Variants in TENM4 observed in about 807,000 individuals in gnomAD.
TENM4 encodes teneurin transmembrane protein 4.
Under a neutral mutation model 243.3 loss-of-function variants are expected in TENM4, and 82 were observed. That is an observed-to-expected ratio of 0.34 (90% CI 0.28 to 0.40). TENM4 has a LOEUF of 0.40. Among genes scored for constraint, TENM4 ranks in the 10% least tolerant of loss-of-function variants. TENM4 has a pLI of 1.00. For synonymous variants in TENM4, 1,412 were observed against 1,456.3 expected (o/e 0.97, Z 0.69); for missense variants, 3,138 against 3,673.3 (o/e 0.85, Z 3.77).
chr11:78,869,749 C>T (rs559237452), intron 9 of TENM4, among the ~76,000 whole-genome samples: 1 of 152,254 alleles, frequency 6.6e-6, no homozygotes, highest in Non-Finnish European at 1.5e-5. Context: ...GTTCCAAAGC[C>T]CAGGTTCCCC....
rs779839717 is a variant in TENM4 at position 79,238,483 on chromosome 11, A to C, written c.-264-22574T>G. On this transcript the variant is annotated intron_variant, in intron 2 of 33. Coordinates refer to ENST00000278550, the MANE Select transcript of TENM4 (RefSeq NM_001098816.3). ...CCATCTCCTCCTGCCTTTGGACATG[A>C]GAACTCCTGGTTCTCGAGCCTTTTG... Among the ~76,000 whole-genome samples, 14 of 152,250 alleles carry C rather than the reference A, an allele frequency of 9.2e-5. No individual in the cohort carries two copies. The South Asian group carries it at 1.9e-3, about 20-fold the overall frequency.
Position 78,657,248 on chromosome 11 carries a change from C to T in TENM4, c.*810G>A, listed in dbSNP as rs1449946242. 2.0e-5 allele frequency: 8 copies of T among 398,596 alleles called. No individual in the cohort carries two copies. Among genetic ancestry groups the T allele is most frequent in the Admixed American group, 4.4e-5 (1 of 22,730 alleles). 24.7% of individuals were successfully genotyped at this position (398,596 alleles called of 1,614,324 possible). A position where few individuals can be genotyped will look rare whatever the true frequency, so the allele number is the denominator to read the frequency against. On this transcript the variant is annotated 3_prime_UTR_variant, in exon 34 of 34. Coordinates refer to ENST00000278550, the MANE Select transcript of TENM4 (RefSeq NM_001098816.3). ...CAGGCATCCTGGGTGCTTTCCCTCC[C>T]GGGAGGATGGGACTCTGAGCCCAGG...
chr11:78,806,858 C>T (rs747914613), intron 14 of TENM4, among the ~76,000 whole-genome samples: 4 of 152,178 alleles, frequency 2.6e-5, no homozygotes, highest in Non-Finnish European at 5.9e-5. Context: ...TCCTATTTCC[C>T]CTTTCCCTCA....
intron 1 of TENM4, among the ~76,000 whole-genome samples, chr11:79,340,147 A>G (rs189929619): frequency 3.9e-5 from 6 of 152,380 alleles, no homozygotes; most frequent in Admixed American, 2.6e-4. Context: ...TTCATGTCCT[A>G]TTACAAGAAA....
In TENM4 at chr11:79,064,691, C is replaced by T. The variant is rs35294698; in HGVS notation, c.493+47G>A. 3.3e-3 allele frequency: 5,101 copies of T among 1,547,984 alleles called. 23 individuals are homozygous for T. The highest frequency in any genetic ancestry group is 4.0e-3 in the Non-Finnish European group (4,608 of 1,144,856). On this transcript the variant is annotated intron_variant, in intron 6 of 33. Coordinates refer to ENST00000278550, the MANE Select transcript of TENM4 (RefSeq NM_001098816.3). ...GAAATCAATATTATAAATAAAACCC[C>T]AGCCCCACCACCCAGGCACCCGGCA...
intron 1 of TENM4, among the ~76,000 whole-genome samples, chr11:79,417,617 A>G (rs920975102): frequency 6.6e-6 from 1 of 152,188 alleles, no homozygotes; most frequent in African/African-American, 2.4e-5. Context: ...TCCTTTGAAG[A>G]ACACTATGTA....
intron 6 of TENM4, among the ~76,000 whole-genome samples, chr11:78,993,680 ATAC>A (rs10585426): frequency 0.045 from 6,913 of 152,248 alleles, 304 homozygotes; most frequent in African/African-American, 0.11. Context: ...TTTATTTCAG[ATAC>A]TACATTTTTC....
chr11:79,216,738 C>T (rs1426111536), intron 2 of TENM4, among the ~76,000 whole-genome samples: 1 of 152,198 alleles, frequency 6.6e-6, no homozygotes, highest in Non-Finnish European at 1.5e-5. Context: ...GAGGCCTTTA[C>T]CAGATGCCAG....
At chr11:78,779,157 TGA>T (rs1034045272) in intron 16 of TENM4, among the ~76,000 whole-genome samples, 1 of 152,222 alleles carries the variant, frequency 6.6e-6, no homozygotes, top group Non-Finnish European at 1.5e-5. Context: ...TGAAGGGGGT[TGA>T]GTCTTTGGTC....
At chr11:78,744,575 G>A (rs753460475) in intron 19 of TENM4, among the ~76,000 whole-genome samples, 7 of 152,282 alleles carry the variant, frequency 4.6e-5, no homozygotes, top group African/African-American at 9.6e-5. Context: ...TGACCGACAC[G>A]TACTGAAATA....
At chr11:79,083,245 C>T (rs1860722789) in intron 4 of TENM4, among the ~76,000 whole-genome samples, 1 of 152,226 alleles carries the variant, frequency 6.6e-6, no homozygotes, top group Admixed American at 6.5e-5. Context: ...GAATAGGCCC[C>T]AGCCTCACAG....
intron 15 of TENM4, 100 bp from the exon 16 acceptor site, chr11:78,787,183 G>A: frequency 7.4e-7 from 1 of 1,351,280 alleles, no homozygotes; most frequent in Non-Finnish European, 9.9e-7. Flanking sequence ...AACAAGTATT[G>A]AGCAAGTTAT....
chr11:79,170,941 A>G (rs1244835730), intron 3 of TENM4, among the ~76,000 whole-genome samples: 1 of 152,170 alleles, frequency 6.6e-6, no homozygotes, highest in African/African-American at 2.4e-5. Flanking sequence ...TAAGAGAACC[A>G]TCTGGACATG....
At chr11:79,070,263 A>C (rs1435947844) in intron 4 of TENM4, among the ~76,000 whole-genome samples, 1 of 152,186 alleles carries the variant, frequency 6.6e-6, no homozygotes, top group Admixed American at 6.5e-5. Context: ...ATGGGCACCG[A>C]GGAAGCTGAC....
intron 1 of TENM4, among the ~76,000 whole-genome samples, chr11:79,339,334 C>T (rs536105368): frequency 2.0e-5 from 3 of 152,240 alleles, no homozygotes; most frequent in East Asian, 3.9e-4. Flanking sequence ...AAAGTGTTGT[C>T]GTGGAGATCA....
chr11:78,781,932 G>A (rs941781820), intron 16 of TENM4, among the ~76,000 whole-genome samples: 3 of 152,170 alleles, frequency 2.0e-5, no homozygotes, highest in African/African-American at 7.2e-5. Flanking sequence ...AGTCTCCCAG[G>A]ATCATCAGCA....
chr11:78,886,408 T>C (rs1209263091), intron 9 of TENM4, among the ~76,000 whole-genome samples: 1 of 152,224 alleles, frequency 6.6e-6, no homozygotes, highest in Non-Finnish European at 1.5e-5. Flanking sequence ...AACAAGATGC[T>C]TATGCCTTGT....
intron 1 of TENM4, among the ~76,000 whole-genome samples, chr11:79,386,317 A>G (rs759256481): frequency 1.3e-4 from 20 of 152,234 alleles, no homozygotes; most frequent in Admixed American, 2.6e-4. Flanking sequence ...AAGATTTTGC[A>G]AGAAAATGTA....
chr11:79,146,900 C>G (rs1346227484), intron 4 of TENM4, among the ~76,000 whole-genome samples: 1 of 152,134 alleles, frequency 6.6e-6, no homozygotes, highest in Non-Finnish European at 1.5e-5. Context: ...CTCTGTTATA[C>G]TCCTTAGAGG....
Sources: allele counts gnomAD v4.1 joint callset (sites outside exome capture counted in the v4.1 genomes callset), GRCh38; gene constraint gnomAD v4.1.1; transcripts MANE v1.5; gene names NCBI Gene and HGNC (gene_info 2026-07-23, HGNC 2026-07-21).